Variants in ARHGAP8 observed in about 807,000 individuals in gnomAD.
The protein encoded by ARHGAP8 is rho GTPase-activating protein 8.
Under a neutral mutation model 46.1 loss-of-function variants are expected in ARHGAP8, and 62 were observed. The observed-to-expected ratio is 1.34, with a 90% CI of 1.10 to 1.66. The LOEUF (loss-of-function observed/expected upper bound fraction) is 1.66, where lower values mean the gene tolerates loss of function less well. ARHGAP8 is among the 40% of genes most tolerant of loss of function. The pLI is 0.00. For missense variants in ARHGAP8, 923 were observed against 568.4 expected (o/e 1.62, Z -6.34); for synonymous variants, 375 against 243.1 (o/e 1.54, Z -5.05).
intron 2 of ARHGAP8, 89 bp from the exon 3 acceptor site, chr22:44,801,988 G>T: frequency 6.5e-7 from 1 of 1,528,070 alleles, no homozygotes; most frequent in Non-Finnish European, 9.0e-7. Flanking sequence ...GCTCGGGCTG[G>T]ACTGGCCAAG....
Position 44,808,361 on chromosome 22 carries a change from T to C in ARHGAP8, c.222T>C (p.Tyr74=), listed in dbSNP as rs557912750. Reference sequence around the variant, plus strand: ...TTGAGAACGATTATACCATCGTCTATTTCCACTACGGGCTGAACAGCCGGA... The same window carrying C: ...TTGAGAACGATTATACCATCGTCTACTTCCACTACGGGCTGAACAGCCGGA... The part of the protein sequence containing the change: ...QYVENDYTIV[Y]FHYGLNSRNK... Residue 74 remains tyrosine, a synonymous_variant, in exon 4 of 12, where the codon TAT becomes TAC. Transcript: ENST00000356099. 1 of 1,614,268 alleles carries C rather than the reference T, an allele frequency of 6.2e-7. No individual in the cohort carries two copies. The highest frequency in any genetic ancestry group is 2.2e-5 in the East Asian group (1 of 44,888).
chr22:44,793,332 G>T (rs1927839344), intron 2 of ARHGAP8, among the ~76,000 whole-genome samples: 1 of 152,138 alleles, frequency 6.6e-6, no homozygotes. Context: ...TCAGAGACGT[G>T]GAGGGTGGTG....
intron 1 of ARHGAP8, among the ~76,000 whole-genome samples, chr22:44,776,979 G>A (rs1602160027): frequency 6.6e-6 from 1 of 152,176 alleles, no homozygotes; most frequent in East Asian, 1.9e-4. Flanking sequence ...CTCCTGCAAT[G>A]CTGTTCCTGC....
chr22:44,851,448 G>A (rs1569180449), intron 10 of ARHGAP8, among the ~76,000 whole-genome samples: 1 of 152,000 alleles, frequency 6.6e-6, no homozygotes, highest in Non-Finnish European at 1.5e-5. Context: ...GTCTCGCTCT[G>A]TCGCCCAGGC....
rs1402116750 is a variant in ARHGAP8 at position 44,857,180 on chromosome 22, T to G, written c.878-2551T>G. 2.0e-5 allele frequency among the ~76,000 whole-genome samples: 3 copies of G among 147,868 alleles called. 1 individual carries two copies. Among genetic ancestry groups the G allele is most frequent in the African/African-American group, 7.8e-5 (3 of 38,394 alleles). The stretch of plus-strand genomic sequence containing the variant: ...GTCTCAAACTCCTGACCTCAGGTGA[T>G]TCACCCACCTCGGCCTCTGAAAGTG... On this transcript the variant is annotated intron_variant, in intron 10 of 11. Transcript: ENST00000356099.
Position 44,754,060 on chromosome 22 carries a change from A to G in ARHGAP8, c.-72+1433A>G, listed in dbSNP as rs543913953. ...GGACATGGGATGTGGGCCTGAGCCC[A>G]GCTGATTCTTGTGGACAGCCAGCTG... On this transcript the variant is annotated intron_variant, in intron 1 of 11. Transcript: ENST00000356099. Among the ~76,000 whole-genome samples, 7 of 152,314 alleles carry G rather than the reference A, an allele frequency of 4.6e-5. No homozygotes were observed. In the South Asian group the frequency reaches 1.4e-3, roughly 32 times the overall value.
At chr22:44,776,900 G>A (rs1173979756) in intron 1 of ARHGAP8, among the ~76,000 whole-genome samples, 1 of 152,046 alleles carries the variant, frequency 6.6e-6, no homozygotes, top group Non-Finnish European at 1.5e-5. Context: ...AAGGCCCACT[G>A]TGCCCTGCCT....
At chr22:44,790,301 A>C (rs1927564640) in intron 2 of ARHGAP8, among the ~76,000 whole-genome samples, 2 of 152,060 alleles carry the variant, frequency 1.3e-5, no homozygotes, top group African/African-American at 4.8e-5. Context: ...GGCCTAGCTG[A>C]AACCAAAAAC....
At chr22:44,767,347 T>A (rs1380591818) in intron 1 of ARHGAP8, among the ~76,000 whole-genome samples, 1 of 152,146 alleles carries the variant, frequency 6.6e-6, no homozygotes, top group Non-Finnish European at 1.5e-5. Flanking sequence ...CCTCTCTCTC[T>A]CTCTTTTAGC....
At chr22:44,827,100 C>T (rs1002580577) in intron 7 of ARHGAP8, among the ~76,000 whole-genome samples, 1 of 152,010 alleles carries the variant, frequency 6.6e-6, no homozygotes, top group Non-Finnish European at 1.5e-5. Flanking sequence ...AAAGCAATCG[C>T]CAGCGTCTTT....
chr22:44,761,333 C>T (rs1029314), intron 1 of ARHGAP8, among the ~76,000 whole-genome samples: 34,823 of 152,058 alleles, frequency 0.23, 4,522 homozygotes, highest in East Asian at 0.41. Flanking sequence ...TTCAACCAAC[C>T]GCGGATTTAG....
intron 7 of ARHGAP8, among the ~76,000 whole-genome samples, chr22:44,830,241 C>T (rs992931274): frequency 1.4e-4 from 21 of 152,030 alleles, no homozygotes; most frequent in Admixed American, 8.5e-4. Flanking sequence ...CCAGGCTGGT[C>T]GCAAAGTCCT....
intron 11 of ARHGAP8, 103 bp from the exon 12 acceptor site, chr22:44,862,172 T>TCCTCTCACTACACCTACG: frequency 7.2e-7 from 1 of 1,391,178 alleles, no homozygotes. Context: ...AGTCCAGTGC[T>TCCTCTCACTACACCTACG]CCTCTCACTA....
At chr22:44,790,618 G>A (rs1185542482) in intron 2 of ARHGAP8, among the ~76,000 whole-genome samples, 1 of 139,766 alleles carries the variant, frequency 7.2e-6, no homozygotes, top group Non-Finnish European at 1.5e-5. Flanking sequence ...CGAGGTTGCA[G>A]TGAGCCAAGA....
intron 4 of ARHGAP8, chr22:44,809,221 T>C (rs1929166846): frequency 2.2e-6 from 1 of 464,604 alleles, no homozygotes; most frequent in African/African-American, 2.0e-5. Context: ...AGTAAAACAT[T>C]ATGGACGCTG....
At chr22:44,782,388 A>T (rs555084811) in intron 1 of ARHGAP8, among the ~76,000 whole-genome samples, 1 of 152,256 alleles carries the variant, frequency 6.6e-6, no homozygotes, top group Non-Finnish European at 1.5e-5. Flanking sequence ...AAAGCACACA[A>T]TTCAGGGCTG....
At chr22:44,765,103 G>C (rs948096063) in intron 1 of ARHGAP8, 5 of 152,354 alleles carry the variant, frequency 3.3e-5, no homozygotes, top group Admixed American at 1.3e-4. Flanking sequence ...CTCTGGGCAG[G>C]CTCCTCAGCC....
At chr22:44,845,484 T>G (rs2069932219) in intron 8 of ARHGAP8, 142 bp downstream of exon 8, 1 of 1,148,168 alleles carries the variant, frequency 8.7e-7, no homozygotes, top group African/African-American at 1.5e-5. Context: ...GCTCCAGGTC[T>G]GGGCTCTGGC....
At position 44,752,588 on chromosome 22, in the gene ARHGAP8, A is replaced by G. The variant is rs1381184224; in HGVS notation, c.-111A>G. ...CGGGGAGGGGCCAGGTGAGCGGCAG[A>G]CCCGGCACGCAGGTGGGGGCCGGCG... On this transcript the variant is annotated 5_prime_UTR_variant, in exon 1 of 12. Coordinates refer to ENST00000356099, the MANE Select transcript of ARHGAP8 (RefSeq NM_181335.3). The G allele has an allele frequency of 6.9e-6, 1 of 144,082 alleles. No individual in the cohort carries two copies. Among genetic ancestry groups the G allele is most frequent in the Non-Finnish European group, 1.5e-5 (1 of 65,610 alleles). The allele number at this position is 144,082 out of a possible 1,614,324, so 8.9% of individuals were successfully genotyped here. A position where few individuals can be genotyped will look rare whatever the true frequency, so the allele number is the denominator to read the frequency against.
Sources: gnomAD v4.1 joint callset for allele counts (sites outside exome capture counted in the v4.1 genomes callset) on GRCh38, gnomAD v4.1.1 for gene constraint, MANE v1.5 for transcripts, NCBI Gene and HGNC (gene_info 2026-07-23, HGNC 2026-07-21) for gene names.